Variants in TRNAU1AP observed in about 807,000 individuals in gnomAD.
The protein encoded by TRNAU1AP is tRNA selenocysteine 1-associated protein 1.
In TRNAU1AP, 33 loss-of-function variants were observed where a neutral mutation model predicts 43.3. The ratio of observed to expected loss-of-function variants is 0.76; its 90% CI spans 0.58 to 1.02. The LOEUF is 1.02. Ranked by LOEUF, TRNAU1AP falls within the 50% of genes least tolerant of loss-of-function variation. TRNAU1AP has a pLI of 0.00. For missense variants in TRNAU1AP, 290 were observed against 362.7 expected, an observed-to-expected ratio of 0.80 and a Z score of 1.63; for synonymous variants, 143 against 129.1, an observed-to-expected ratio of 1.11 and a Z score of -0.73.
In TRNAU1AP at chr1:28,560,749, A is replaced by G. The variant is rs144594170; in HGVS notation, c.225+17A>G. 6.3e-6 allele frequency: 10 copies of G among 1,576,688 alleles called. No homozygotes were observed. In the African/African-American group the frequency reaches 1.2e-4, roughly 19 times the overall value. On this transcript the variant is annotated intron_variant, in intron 3 of 8. Transcript: ENST00000373830. ...GCCACACCTGTAAGGACATTTAGAT[A>G]ATGATGATGTTGCCATTATTATTGT... is the stretch of plus-strand genomic sequence containing the variant.
At chr1:28,572,310 CAGCCTCCCG>C (rs1263308897) in intron 8 of TRNAU1AP, among the ~76,000 whole-genome samples, 1 of 152,100 alleles carries the variant, frequency 6.6e-6, no homozygotes, top group Non-Finnish European at 1.5e-5. Flanking sequence ...TCTCCTGCCT[CAGCCTCCCG>C]AGTAGCTGGG....
chr1:28,575,365 T>C (rs986402434), intron 8 of TRNAU1AP, among the ~76,000 whole-genome samples: 4 of 151,840 alleles, frequency 2.6e-5, no homozygotes, highest in Non-Finnish European at 4.4e-5. Context: ...ATGTTGGCCA[T>C]GATGGTCTCT....
chr1:28,578,447 G>T lies in TRNAU1AP; in HGVS notation c.*811G>T. On this transcript the variant is annotated 3_prime_UTR_variant, in exon 9 of 9. Transcript: ENST00000373830. ...AAAAATCTCCAAAGATCTCTTTAAG[G>T]GCTGGGCATGGTGGCTCACTTTGGG... 3.9e-6 allele frequency: 1 copy of T among 255,884 alleles called. No individual in the cohort carries two copies. The allele number at this position is 255,884 out of a possible 1,614,324, so 15.9% of individuals were successfully genotyped here.
chr1:28,577,762 G>A lies in TRNAU1AP; in HGVS notation c.*126G>A. ...AATAATGACTGTTTTTGGAGATCAT[G>A]AATGTTTCTACAACACTGCTGCATT... On this transcript the variant is annotated 3_prime_UTR_variant, in exon 9 of 9. Coordinates refer to ENST00000373830, the MANE Select transcript of TRNAU1AP (RefSeq NM_017846.5). The A allele has an allele frequency of 9.1e-7, 1 of 1,093,316 alleles. No individual in the cohort carries two copies. Among genetic ancestry groups the A allele is most frequent in the Non-Finnish European group, 1.3e-6 (1 of 762,256 alleles). The allele number at this position is 1,093,316 out of a possible 1,614,324, so 67.7% of individuals were successfully genotyped here. A position where few individuals can be genotyped will look rare whatever the true frequency, so the allele number is the denominator to read the frequency against.
At chr1:28,563,687 A>AC (rs1665468008) in intron 4 of TRNAU1AP, among the ~76,000 whole-genome samples, 1 of 151,790 alleles carries the variant, frequency 6.6e-6, no homozygotes, top group Admixed American at 6.6e-5. Flanking sequence ...CCGTCTCAAA[A>AC]AAAAAAAAAA....
At chr1:28,561,149 G>A (rs1339517792) in intron 3 of TRNAU1AP, 197 bp from the exon 4 acceptor site, 8 of 1,421,216 alleles carry the variant, frequency 5.6e-6, no homozygotes, top group Non-Finnish European at 7.3e-6. Context: ...GGCACACCTG[G>A]GCTCATAGAA....
At chr1:28,554,426 G>A (rs1665208291) in intron 2 of TRNAU1AP, among the ~76,000 whole-genome samples, 1 of 152,106 alleles carries the variant, frequency 6.6e-6, no homozygotes, top group African/African-American at 2.4e-5. Context: ...CATATGCTCA[G>A]TAAGTATAGT....
At chr1:28,559,813 TA>T (rs1313226823) in intron 2 of TRNAU1AP, among the ~76,000 whole-genome samples, 1 of 152,128 alleles carries the variant, frequency 6.6e-6, no homozygotes, top group Non-Finnish European at 1.5e-5. Context: ...TCACACATGA[TA>T]AAATGCATAA....
At chr1:28,576,612 C>T (rs572617309) in intron 8 of TRNAU1AP, among the ~76,000 whole-genome samples, 123 of 149,864 alleles carry the variant, frequency 8.2e-4, no homozygotes, top group African/African-American at 2.8e-3. Context: ...CCACCGCGCC[C>T]GGCCGAGACG....
chr1:28,553,426 G>T, intron 1 of TRNAU1AP: 1 of 622,824 alleles, frequency 1.6e-6, no homozygotes. Flanking sequence ...GGGACCGGAG[G>T]AGTGGGGTTT....
intron 5 of TRNAU1AP, chr1:28,565,181 T>G (rs1665509724): frequency 3.9e-6 from 1 of 253,790 alleles, no homozygotes; most frequent in African/African-American, 2.4e-5. Flanking sequence ...CCTTTCAGTG[T>G]AGTTAGAAGT....
intron 2 of TRNAU1AP, among the ~76,000 whole-genome samples, chr1:28,556,278 A>G (rs2124186114): frequency 1.3e-5 from 2 of 152,034 alleles, no homozygotes; most frequent in South Asian, 4.1e-4. Context: ...CCTGGACAAC[A>G]TGGTGAAACC....
chr1:28,556,637 G>C (rs867186613), intron 2 of TRNAU1AP, among the ~76,000 whole-genome samples: 2 of 151,230 alleles, frequency 1.3e-5, no homozygotes, highest in Middle Eastern at 3.4e-3. Flanking sequence ...TCAGACTCCT[G>C]AGTAGCTGGG....
chr1:28,559,625 A>G (rs891450879), intron 2 of TRNAU1AP, among the ~76,000 whole-genome samples: 5 of 151,748 alleles, frequency 3.3e-5, no homozygotes, highest in Non-Finnish European at 7.4e-5. Context: ...GCGTCATTGC[A>G]CTCCAGCCTG....
intron 2 of TRNAU1AP, among the ~76,000 whole-genome samples, chr1:28,557,313 G>A (rs990056058): frequency 6.6e-6 from 1 of 151,276 alleles, no homozygotes; most frequent in African/African-American, 2.4e-5. Flanking sequence ...CCAGCTACTC[G>A]GGAGGCTGAG....
At chr1:28,574,922 G>T (rs1228092670) in intron 8 of TRNAU1AP, among the ~76,000 whole-genome samples, 1 of 151,954 alleles carries the variant, frequency 6.6e-6, no homozygotes, top group Admixed American at 6.6e-5. Context: ...ACCTTGTGGG[G>T]TGGGCTGGGA....
At position 28,577,674 on chromosome 1, in the gene TRNAU1AP, G is replaced by T. The variant is rs993085969; in HGVS notation, c.*38G>T. 1 of 1,559,268 alleles carries T rather than the reference G, an allele frequency of 6.4e-7. No individual in the cohort carries two copies. The highest frequency in any genetic ancestry group is 2.3e-5 in the East Asian group (1 of 43,828). On this transcript the variant is annotated 3_prime_UTR_variant, in exon 9 of 9. Transcript: ENST00000373830. ...ACAAGCCAGGTTGCATGATGTGAGG[G>T]AGATGAGAGACTCCTTTTTAAAAAT...
intron 8 of TRNAU1AP, among the ~76,000 whole-genome samples, chr1:28,576,735 G>T (rs1242037093): frequency 6.6e-6 from 1 of 152,200 alleles, no homozygotes; most frequent in Non-Finnish European, 1.5e-5. Flanking sequence ...GAGTAGTTGG[G>T]ATTATAGGCA....
Position 28,571,198 on chromosome 1 carries a change from T to C in TRNAU1AP, c.553T>C (p.Tyr185His). 1 of 1,614,122 alleles carries C rather than the reference T, an allele frequency of 6.2e-7. No homozygotes were observed. The highest frequency in any genetic ancestry group is 8.5e-7 in the Non-Finnish European group (1 of 1,179,972). Reference sequence around the variant, plus strand: ...AAGGAGCCGTGTAAAGCCAGTGGAATATAGTCAGATGTACAGTTATAGCTA... The same window carrying C: ...AAGGAGCCGTGTAAAGCCAGTGGAACATAGTCAGATGTACAGTTATAGCTA... ...PKASRVKPVE[Y>H]SQMYSYSYNQ... Residue 185 changes from tyrosine to histidine, a missense_variant, in exon 7 of 9, where the codon TAT (tyrosine) becomes CAT (histidine). Physicochemically the swap from Tyr to His is moderately conservative, Grantham distance 83. Around this residue, in one of 3 missense-constraint regions of TRNAU1AP, gnomAD observed 174 missense variants for 262.1 expected, o/e 0.66. Coordinates refer to ENST00000373830, the MANE Select transcript of TRNAU1AP (RefSeq NM_017846.5).
Sources: allele counts gnomAD v4.1 joint callset (sites outside exome capture counted in the v4.1 genomes callset), GRCh38; gene constraint gnomAD v4.1.1; regional missense constraint gnomAD v4.1.1; transcripts MANE v1.5; gene names NCBI Gene and HGNC (gene_info 2026-07-23, HGNC 2026-07-21).